Variants in MANBA observed in about 807,000 individuals in gnomAD.
The protein encoded by MANBA is beta-mannosidase.
Under a neutral mutation model 111.1 loss-of-function variants are expected in MANBA, and 83 were observed. That is an observed-to-expected ratio of 0.75 (90% CI 0.63 to 0.90). The LOEUF (loss-of-function observed/expected upper bound fraction) is 0.90, where lower values mean the gene tolerates loss of function less well. Among genes scored for constraint, MANBA ranks in the 40% least tolerant of loss-of-function variants. The pLI, the probability that MANBA is intolerant of heterozygous loss-of-function variation, is 0.00. For missense variants in MANBA, 1,036 were observed against 1,069.0 expected, an observed-to-expected ratio of 0.97 and a Z score of 0.43; for synonymous variants, 370 against 378.7, an observed-to-expected ratio of 0.98 and a Z score of 0.27.
At chr4:102,758,435 A>G (rs1724106739) in intron 1 of MANBA, among the ~76,000 whole-genome samples, 1 of 152,190 alleles carries the variant, frequency 6.6e-6, no homozygotes, top group South Asian at 2.1e-4. Flanking sequence ...ACGGTAGAAT[A>G]TTTCCTCAAG....
intron 7 of MANBA, among the ~76,000 whole-genome samples, chr4:102,687,945 C>G (rs139037618): frequency 6.6e-6 from 1 of 152,128 alleles, no homozygotes; most frequent in African/African-American, 2.4e-5. Context: ...TGCATTAACT[C>G]AAGGTGTGGG....
chr4:102,717,144 C>A (rs1396301861), intron 4 of MANBA, among the ~76,000 whole-genome samples: 1 of 152,136 alleles, frequency 6.6e-6, no homozygotes, highest in African/African-American at 2.4e-5. Flanking sequence ...TCACTCTTAA[C>A]CTCTTCAAGA....
At chr4:102,739,656 G>A (rs1187839230) in intron 1 of MANBA, among the ~76,000 whole-genome samples, 1 of 152,146 alleles carries the variant, frequency 6.6e-6, no homozygotes, top group Non-Finnish European at 1.5e-5. Context: ...GTCAATAAAT[G>A]TGATACACCA....
chr4:102,702,972 GTTTTAATAACTAC>G (rs1188898952), intron 5 of MANBA, among the ~76,000 whole-genome samples: 1 of 152,204 alleles, frequency 6.6e-6, no homozygotes, highest in Non-Finnish European at 1.5e-5. Context: ...AAATTAGTTT[GTTTTAATAACTAC>G]TTTATCCACT....
Position 102,722,944 on chromosome 4 carries a change from G to T in MANBA, c.476C>A (p.Thr159Asn), listed in dbSNP as rs745616806. 8 of 1,614,140 alleles carry T rather than the reference G, an allele frequency of 5.0e-6. No homozygotes were observed. The Admixed American group carries it at 1.2e-4, about 24-fold the overall frequency. The change falls in exon 4 of 17, where the codon ACT (threonine) becomes AAT (asparagine). Residue 159 changes from threonine to asparagine, a missense_variant. Thr to Asn is a moderately conservative substitution (Grantham distance 65, BLOSUM62 0). Coordinates refer to ENST00000647097, the MANE Select transcript of MANBA (RefSeq NM_005908.4). ...LYAAQQSKAH[T>N]RYQVPPDCPP... is the part of the protein sequence containing the mutation. ...GCAGTCTGGGGGAACCTGGTAGCGAGTGTGAGCTTTGCTCTGCTGTGCTGC... is the reference window on the plus strand; with the variant it reads ...GCAGTCTGGGGGAACCTGGTAGCGATTGTGAGCTTTGCTCTGCTGTGCTGC...
intron 12 of MANBA, among the ~76,000 whole-genome samples, chr4:102,657,435 A>C (rs79053329): frequency 6.6e-5 from 10 of 152,324 alleles, no homozygotes; most frequent in African/African-American, 2.4e-4. Context: ...CGTGTGTGAT[A>C]ATAAGTCAGG....
chr4:102,696,053 C>A (rs1226825133), intron 5 of MANBA, among the ~76,000 whole-genome samples: 2 of 151,978 alleles, frequency 1.3e-5, no homozygotes, highest in Non-Finnish European at 2.9e-5. Context: ...CATAATGAGA[C>A]CCCATCTCTA....
chr4:102,643,766 G>C (rs1729984750), intron 13 of MANBA, among the ~76,000 whole-genome samples: 1 of 152,080 alleles, frequency 6.6e-6, no homozygotes, highest in African/African-American at 2.4e-5. Flanking sequence ...AGTTCTAAGA[G>C]TTCTTTATAT....
chr4:102,652,604 A>T (rs1218335497), intron 12 of MANBA, among the ~76,000 whole-genome samples: 1 of 152,200 alleles, frequency 6.6e-6, no homozygotes, highest in Non-Finnish European at 1.5e-5. Context: ...TACTCATAAA[A>T]ACCCGGCCGG....
At chr4:102,656,816 A>C (rs1176988398) in intron 12 of MANBA, among the ~76,000 whole-genome samples, 1 of 152,226 alleles carries the variant, frequency 6.6e-6, no homozygotes, top group Non-Finnish European at 1.5e-5. Flanking sequence ...TCAAAGAATC[A>C]GTCTCAAAAG....
intron 1 of MANBA, chr4:102,734,604 A>G: frequency 6.2e-7 from 1 of 1,603,724 alleles, no homozygotes; most frequent in Non-Finnish European, 8.5e-7. Context: ...AGAGACCAAG[A>G]AGAAGCGGTA....
intron 1 of MANBA, chr4:102,728,540 G>A: frequency 2.7e-6 from 1 of 376,660 alleles, no homozygotes; most frequent in Non-Finnish European, 5.0e-6. Flanking sequence ...GCTAGCAGAG[G>A]TTTTATTTTG....
At chr4:102,708,888 A>T (rs1160860649) in intron 5 of MANBA, among the ~76,000 whole-genome samples, 3 of 151,860 alleles carry the variant, frequency 2.0e-5, no homozygotes, top group Non-Finnish European at 4.4e-5. Flanking sequence ...AGAAATGAGA[A>T]AGGATACATT....
intron 1 of MANBA, among the ~76,000 whole-genome samples, chr4:102,741,333 A>C (rs1261184743): frequency 2.6e-5 from 4 of 152,212 alleles, no homozygotes; most frequent in African/African-American, 9.6e-5. Context: ...CCAATTTTAC[A>C]CTGCTGGATG....
At chr4:102,756,324 G>A (rs904418802) in intron 1 of MANBA, among the ~76,000 whole-genome samples, 1 of 152,062 alleles carries the variant, frequency 6.6e-6, no homozygotes. Context: ...GTCCTTTGTA[G>A]GGACATGGAT....
intron 5 of MANBA, among the ~76,000 whole-genome samples, chr4:102,710,094 C>T (rs572470794): frequency 6.6e-6 from 1 of 152,028 alleles, no homozygotes; most frequent in African/African-American, 2.4e-5. Context: ...CCTCTAAGAA[C>T]TAGAATGGGA....
At chr4:102,741,710 G>A (rs1723410214) in intron 1 of MANBA, among the ~76,000 whole-genome samples, 1 of 152,190 alleles carries the variant, frequency 6.6e-6, no homozygotes, top group South Asian at 2.1e-4. Flanking sequence ...ACTTATAAGT[G>A]GGACCTAAGC....
At chr4:102,702,565 T>C (rs1239200706) in intron 5 of MANBA, among the ~76,000 whole-genome samples, 1 of 152,168 alleles carries the variant, frequency 6.6e-6, no homozygotes, top group South Asian at 2.1e-4. Context: ...TTGTTAGTTT[T>C]CCTTCTAACA....
At chr4:102,710,873 T>TAAATAC (rs904455672) in intron 5 of MANBA, among the ~76,000 whole-genome samples, 5 of 151,970 alleles carry the variant, frequency 3.3e-5, no homozygotes, top group African/African-American at 1.2e-4. Flanking sequence ...CCCTCTTCAA[T>TAAATAC]CCTCTTCAAT....
Sources: gnomAD v4.1 joint callset for allele counts (sites outside exome capture counted in the v4.1 genomes callset) on GRCh38, gnomAD v4.1.1 for gene constraint, MANE v1.5 for transcripts, NCBI Gene and HGNC (gene_info 2026-07-23, HGNC 2026-07-21) for gene names.